The following HPCAL1 variants were observed in gnomAD, a reference collection of about 807,000 sequenced individuals.
HPCAL1 encodes hippocalcin like 1, also known as hippocalcin-like protein 1.
A neutral mutation model predicts 17.1 loss-of-function variants in HPCAL1; 8 were observed. That is an observed-to-expected ratio of 0.47 (90% CI 0.27 to 0.84). The LOEUF is 0.84. Ranked by LOEUF, HPCAL1 falls within the 40% of genes least tolerant of loss-of-function variation. The pLI, the probability that HPCAL1 is intolerant of heterozygous loss-of-function variation, is 0.13. For missense variants in HPCAL1, 165 were observed against 271.1 expected (o/e 0.61, Z 2.75); for synonymous variants, 112 against 111.4 (o/e 1.01, Z -0.03).
rs1670903258 is a variant in HPCAL1 at position 10,419,594 on chromosome 2, C to G, written c.-24-140C>G. On this transcript the variant is annotated intron_variant, in intron 2 of 4. Coordinates refer to ENST00000307845, the MANE Select transcript of HPCAL1 (RefSeq NM_002149.4). This position sits in a 1 kb window ranked among gnomAD's most constrained non-coding sequence, Gnocchi z 5.0. ...TTCTTGGTGGTCCATAAGATAGCGGCATGCCTTCCGATGGGGGACCCGGGA... is the reference window on the plus strand; with the variant it reads ...TTCTTGGTGGTCCATAAGATAGCGGGATGCCTTCCGATGGGGGACCCGGGA... 1.3e-5 allele frequency: 9 copies of G among 706,654 alleles called. No homozygotes were observed. The highest frequency in any genetic ancestry group is 2.1e-5 in the Non-Finnish European group (9 of 437,434). 43.8% of individuals were successfully genotyped at this position (706,654 alleles called of 1,614,324 possible).
chr2:10,308,597 C>G (rs902857028), intron 1 of HPCAL1, among the ~76,000 whole-genome samples: 2 of 152,166 alleles, frequency 1.3e-5, no homozygotes, highest in Admixed American at 6.5e-5. Flanking sequence ...ACGAAGTGAG[C>G]TGGGTGCTTG....
intron 2 of HPCAL1, among the ~76,000 whole-genome samples, chr2:10,397,187 G>A (rs1294469412): frequency 2.0e-5 from 3 of 151,326 alleles, no homozygotes; most frequent in African/African-American, 7.3e-5. Context: ...GTCTTTCTGG[G>A]TAAATCGCGT....
intron 1 of HPCAL1, among the ~76,000 whole-genome samples, chr2:10,345,676 C>T (rs575186334): frequency 1.3e-5 from 2 of 152,080 alleles, no homozygotes; most frequent in South Asian, 4.2e-4. Context: ...GGGCTGGTCT[C>T]GAACTCTTGG....
intron 1 of HPCAL1, among the ~76,000 whole-genome samples, chr2:10,375,392 G>T (rs1028888454): frequency 6.6e-6 from 1 of 152,178 alleles, no homozygotes; most frequent in East Asian, 1.9e-4. Flanking sequence ...CAGGACTCGG[G>T]GCTTTCCTGG....
At chr2:10,339,236 T>C (rs2125439065) in intron 1 of HPCAL1, among the ~76,000 whole-genome samples, 1 of 152,236 alleles carries the variant, frequency 6.6e-6, no homozygotes, top group Admixed American at 6.5e-5. Context: ...CACTGCAACC[T>C]CCACCTCCCG....
At position 10,376,181 on chromosome 2, in the gene HPCAL1, G is replaced by T. The variant is rs1667547090; in HGVS notation, c.-110-20654G>T. 2.0e-5 allele frequency among the ~76,000 whole-genome samples: 3 copies of T among 152,202 alleles called. No individual in the cohort carries two copies. The South Asian group carries it at 6.2e-4, about 31-fold the overall frequency. ...ATGCTGGCACCACGCTTCCTGTACA[G>T]GCTGCAGAACTGTGAGCCAATTAAG... is the stretch of plus-strand genomic sequence containing the variant. On this transcript the variant is annotated intron_variant, in intron 1 of 4. Coordinates refer to ENST00000307845, the MANE Select transcript of HPCAL1 (RefSeq NM_002149.4).
chr2:10,308,983 T>C (rs1662791629), intron 1 of HPCAL1, among the ~76,000 whole-genome samples: 1 of 152,124 alleles, frequency 6.6e-6, no homozygotes, highest in South Asian at 2.1e-4. Flanking sequence ...GTGGGAGGAT[T>C]GCTTGAAATC....
At chr2:10,360,261 C>T (rs1219858356) in intron 1 of HPCAL1, among the ~76,000 whole-genome samples, 1 of 152,232 alleles carries the variant, frequency 6.6e-6, no homozygotes, top group African/African-American at 2.4e-5. Context: ...CCTAGACTCC[C>T]AGGCAGGGTG....
chr2:10,341,595 C>T, intron 1 of HPCAL1, among the ~76,000 whole-genome samples: 1 of 152,046 alleles, frequency 6.6e-6, no homozygotes, highest in Non-Finnish European at 1.5e-5. Context: ...ACTCTCCCCT[C>T]AACACAAGAA....
chr2:10,352,133 C>T (rs1051508058), intron 1 of HPCAL1, among the ~76,000 whole-genome samples: 10 of 152,064 alleles, frequency 6.6e-5, no homozygotes, highest in African/African-American at 2.4e-4. Context: ...AAACTCCTGA[C>T]CTCAAGTGAT....
rs1298918547 is a variant in HPCAL1, at chr2:10,384,315, G to C, written c.-110-12520G>C. On this transcript the variant is annotated intron_variant, in intron 1 of 4. Transcript: ENST00000307845. This position sits in a 1 kb window ranked among gnomAD's most constrained non-coding sequence, Gnocchi z 4.4. ...TTCTTGCAAAATACCCCTTGTGGGA[G>C]GAGAGGGGTGGAGGGAGAGAACACC... is the stretch of plus-strand genomic sequence containing the variant. Among the ~76,000 whole-genome samples the C allele has an allele frequency of 2.0e-5, 3 of 152,158 alleles. No individual in the cohort carries two copies. Among genetic ancestry groups the C allele is most frequent in the Non-Finnish European group, 2.9e-5 (2 of 68,014 alleles).
intron 2 of HPCAL1, among the ~76,000 whole-genome samples, chr2:10,412,932 G>A (rs995003419): frequency 6.6e-6 from 1 of 152,084 alleles, no homozygotes; most frequent in African/African-American, 2.4e-5. Flanking sequence ...CTCCTTGTTG[G>A]GGTGGGGATT....
chr2:10,322,318 C>T (rs969439137), intron 1 of HPCAL1, among the ~76,000 whole-genome samples: 4 of 152,184 alleles, frequency 2.6e-5, no homozygotes, highest in Non-Finnish European at 5.9e-5. Flanking sequence ...CCACTGCACC[C>T]AGCCACAGTT....
chr2:10,349,554 T>G (rs1365799322), intron 1 of HPCAL1, among the ~76,000 whole-genome samples: 1 of 151,116 alleles, frequency 6.6e-6, no homozygotes, highest in Non-Finnish European at 1.5e-5. Context: ...ATACAAAAAA[T>G]TAGCTGGGCG....
chr2:10,423,194 C>A, intron 4 of HPCAL1, 106 bp downstream of exon 4: 3 of 805,784 alleles, frequency 3.7e-6, no homozygotes, highest in South Asian at 3.0e-5. Flanking sequence ...CTCCTGAGGG[C>A]CACCCCCGCC....
intron 1 of HPCAL1, among the ~76,000 whole-genome samples, chr2:10,392,484 T>A (rs1368971383): frequency 6.6e-6 from 1 of 152,256 alleles, no homozygotes; most frequent in African/African-American, 2.4e-5. Flanking sequence ...CTTGAGACAG[T>A]TCTGGTAGTT....
chr2:10,424,941 A>C (rs1572877653), intron 4 of HPCAL1: 2 of 244,108 alleles, frequency 8.2e-6, no homozygotes, highest in South Asian at 4.8e-5. Context: ...CATTAAAGCC[A>C]CCCTCTCCTC....
At chr2:10,396,619 C>G (rs1669043215) in intron 1 of HPCAL1, among the ~76,000 whole-genome samples, 1 of 152,354 alleles carries the variant, frequency 6.6e-6, no homozygotes, top group South Asian at 2.1e-4. Context: ...CAACGTTGTC[C>G]TGGGCTTCTC....
chr2:10,335,389 A>G (rs929112021), intron 1 of HPCAL1, among the ~76,000 whole-genome samples: 2 of 152,190 alleles, frequency 1.3e-5, no homozygotes, highest in Non-Finnish European at 2.9e-5. Flanking sequence ...GCCAACAGCC[A>G]TGTGAGTGAG....
Sources: gnomAD v4.1 joint callset for allele counts (sites outside exome capture counted in the v4.1 genomes callset) on GRCh38, gnomAD v4.1.1 for gene constraint, Gnocchi (gnomAD v3.1) non-coding constraint, MANE v1.5 for transcripts, NCBI Gene and HGNC (gene_info 2026-07-23, HGNC 2026-07-21) for gene names.